Variants in MITF observed in about 807,000 individuals in gnomAD.
MITF encodes the protein melanocyte inducing transcription factor.
In MITF, 17 loss-of-function variants were observed where a neutral mutation model predicts 60.5. The ratio of observed to expected loss-of-function variants is 0.28; its 90% confidence interval spans 0.19 to 0.42. The LOEUF (loss-of-function observed/expected upper bound fraction) is 0.42. MITF is among the 10% of genes least tolerant of loss of function. The pLI, the probability that MITF is intolerant of heterozygous loss-of-function variation, is 1.00. For missense variants in MITF, 622 were observed against 683.5 expected (o/e 0.91, Z 1.00); for synonymous variants, 260 against 248.5 (o/e 1.05, Z -0.43).
At chr3:69,926,921 A>G (rs2065605187) in intron 2 of MITF, among the ~76,000 whole-genome samples, 1 of 152,200 alleles carries the variant, frequency 6.6e-6, no homozygotes, top group Admixed American at 6.5e-5. Flanking sequence ...TTGCTTGCAA[A>G]ATTTTCAGTA....
intron 1 of MITF, among the ~76,000 whole-genome samples, chr3:69,872,512 T>C (rs1234173449): frequency 1.3e-5 from 2 of 152,178 alleles, no homozygotes; most frequent in African/African-American, 4.8e-5. Flanking sequence ...TTATATAACA[T>C]GTACAAAAAT....
chr3:69,837,207 A>G (rs1248722513), intron 1 of MITF, among the ~76,000 whole-genome samples: 1 of 152,182 alleles, frequency 6.6e-6, no homozygotes, highest in African/African-American at 2.4e-5. Flanking sequence ...AGTCAAAGCT[A>G]TCTCTGTCTC....
intron 1 of MITF, among the ~76,000 whole-genome samples, chr3:69,878,756 A>C (rs2107273885): frequency 6.6e-6 from 1 of 152,286 alleles, no homozygotes; most frequent in South Asian, 2.1e-4. Flanking sequence ...CAAAAAAGCA[A>C]ATCAAGCAAT....
At chr3:69,916,519 T>C (rs2065338958) in intron 2 of MITF, among the ~76,000 whole-genome samples, 1 of 152,178 alleles carries the variant, frequency 6.6e-6, no homozygotes, top group African/African-American at 2.4e-5. Context: ...AAGTTCGGAA[T>C]TGAGTGAGTT....
chr3:69,880,992 A>C (rs1019053696), intron 2 of MITF, among the ~76,000 whole-genome samples: 1 of 152,110 alleles, frequency 6.6e-6, no homozygotes, highest in Admixed American at 6.5e-5. Context: ...ACCCAAATGA[A>C]AATGTGTTGA....
chr3:69,837,735 G>A (rs1285919272), intron 1 of MITF, among the ~76,000 whole-genome samples: 1 of 152,150 alleles, frequency 6.6e-6, no homozygotes, highest in Non-Finnish European at 1.5e-5. Context: ...GCTATTTATA[G>A]TCTTCATTGT....
chr3:69,811,050 A>T (rs1228103318), intron 1 of MITF, among the ~76,000 whole-genome samples: 3 of 152,194 alleles, frequency 2.0e-5, no homozygotes. Context: ...TAAGGTTCTA[A>T]AGCAGTGGTT....
chr3:69,831,583 A>G (rs1340443270), intron 1 of MITF, among the ~76,000 whole-genome samples: 2 of 152,152 alleles, frequency 1.3e-5, no homozygotes, highest in African/African-American at 4.8e-5. Context: ...ATTTCCGGCA[A>G]GAGTTTCATT....
chr3:69,930,299 A>G (rs9917633), intron 2 of MITF, among the ~76,000 whole-genome samples: 7,802 of 152,214 alleles, frequency 0.051, 476 homozygotes, highest in African/African-American at 0.14. Context: ...TGACATTTAG[A>G]GGGGAGAAGA....
chr3:69,755,454 T>G (rs1423689155), intron 1 of MITF, among the ~76,000 whole-genome samples: 1 of 138,664 alleles, frequency 7.2e-6, no homozygotes, highest in Non-Finnish European at 1.6e-5. Flanking sequence ...TTTTTTTTTT[T>G]TTTTTTTTTT....
chr3:69,746,240 G>A (rs1180023180), intron 1 of MITF, among the ~76,000 whole-genome samples: 4 of 152,196 alleles, frequency 2.6e-5, no homozygotes, highest in Non-Finnish European at 5.9e-5. Context: ...GTTCTGCAGT[G>A]CAGTTTGCAC....
At chr3:69,856,586 C>T (rs550489321) in intron 1 of MITF, among the ~76,000 whole-genome samples, 2 of 152,312 alleles carry the variant, frequency 1.3e-5, no homozygotes, top group East Asian at 1.9e-4. Flanking sequence ...TTGAGATCAT[C>T]TTGTATCCCA....
chr3:69,777,234 A>G (rs760182042), intron 1 of MITF, among the ~76,000 whole-genome samples: 3 of 152,222 alleles, frequency 2.0e-5, no homozygotes, highest in Admixed American at 6.5e-5. Flanking sequence ...TCTATTTCCT[A>G]TCTTAACTGA....
Position 69,763,323 on chromosome 3 carries a change from A to G in MITF, c.104+23622A>G, listed in dbSNP as rs371968790. ...AGGATTATTGATCTCTAGTCTTCATATGTAAGGTGTTGAATTTATTTAATG... is the reference window on the plus strand; with the variant it reads ...AGGATTATTGATCTCTAGTCTTCATGTGTAAGGTGTTGAATTTATTTAATG... On this transcript the variant is annotated intron_variant, in intron 1 of 9. Transcript: ENST00000352241. 1.1e-4 allele frequency among the ~76,000 whole-genome samples: 17 copies of G among 152,318 alleles called. No homozygotes were observed. In the East Asian group the frequency reaches 2.7e-3, roughly 24 times the overall value.
intron 1 of MITF, among the ~76,000 whole-genome samples, chr3:69,771,888 T>A (rs2062399897): frequency 6.6e-6 from 1 of 152,192 alleles, no homozygotes; most frequent in South Asian, 2.1e-4. Flanking sequence ...GAGGGATTGC[T>A]AAGATTGGGA....
chr3:69,865,163 T>C (rs1460573229), intron 1 of MITF, among the ~76,000 whole-genome samples: 2 of 151,976 alleles, frequency 1.3e-5, no homozygotes, highest in African/African-American at 4.8e-5. Context: ...TGGCTAGATA[T>C]TTCCTAGCAT....
chr3:69,917,658 A>G (rs2065366254), intron 2 of MITF, among the ~76,000 whole-genome samples: 1 of 152,170 alleles, frequency 6.6e-6, no homozygotes, highest in Admixed American at 6.5e-5. Context: ...TTGGGATCCT[A>G]CAACATGTAA....
intron 2 of MITF, among the ~76,000 whole-genome samples, chr3:69,888,601 A>T (rs566530059): frequency 8.5e-5 from 13 of 152,160 alleles, no homozygotes; most frequent in African/African-American, 3.1e-4. Flanking sequence ...AATGTTGGTA[A>T]TTAGTCCTGC....
chr3:69,845,144 A>G (rs1161675227), intron 1 of MITF, among the ~76,000 whole-genome samples: 4 of 151,838 alleles, frequency 2.6e-5, no homozygotes, highest in African/African-American at 7.3e-5. Context: ...CCTTCATTCT[A>G]TTTTCTTCAT....
Sources: gnomAD v4.1 joint callset for allele counts (sites outside exome capture counted in the v4.1 genomes callset) on GRCh38, gnomAD v4.1.1 for gene constraint, MANE v1.5 for transcripts, NCBI Gene and HGNC (gene_info 2026-07-23, HGNC 2026-07-21) for gene names.